PAM: variants seen among roughly 807,000 people sequenced by gnomAD.
PAM encodes peptidylglycine alpha-amidating monooxygenase.
Under a neutral mutation model 122.1 loss-of-function variants are expected in PAM, and 72 were observed. The ratio of observed to expected loss-of-function variants is 0.59; its 90% CI spans 0.49 to 0.72. The LOEUF is 0.72. Ranked by LOEUF, PAM falls within the 30% of genes least tolerant of loss-of-function variation. PAM has a pLI of 0.00. For synonymous variants in PAM, 389 were observed against 404.4 expected (o/e 0.96, Z 0.46); for missense variants, 1,106 against 1,183.7 (o/e 0.93, Z 0.96).
rs142094802 is a variant in PAM, at chr5:102,800,801, G to T, written c.-374+45453G>T. ...ATCACTTTATACTCTATCACCCTGG[G>T]CTTATCTTCTCTTCCCTTTTCCTTT... On this transcript the variant is annotated intron_variant, in intron 1 of 25. Coordinates refer to ENST00000438793, the MANE Select transcript of PAM (RefSeq NM_001177306.2). Among the ~76,000 whole-genome samples, 1,210 of 152,162 alleles carry T rather than the reference G, an allele frequency of 8.0e-3. 16 individuals carry two copies. The highest frequency in any genetic ancestry group is 0.021 in the Admixed American group (323 of 15,274).
At chr5:102,962,095 C>T (rs1762674873) in intron 14 of PAM, among the ~76,000 whole-genome samples, 1 of 151,814 alleles carries the variant, frequency 6.6e-6, no homozygotes. Context: ...AAATGTATTA[C>T]ATTAGGTCTA....
intron 12 of PAM, among the ~76,000 whole-genome samples, chr5:102,958,970 T>C (rs1761672158): frequency 6.6e-6 from 1 of 152,166 alleles, no homozygotes; most frequent in African/African-American, 2.4e-5. Context: ...ACAACTTTGC[T>C]ATGTAAAAGT....
intron 1 of PAM, among the ~76,000 whole-genome samples, chr5:102,843,535 T>C (rs1049017995): frequency 6.6e-6 from 1 of 152,150 alleles, no homozygotes; most frequent in Non-Finnish European, 1.5e-5. Context: ...AAAAACATCT[T>C]CTCTGTAAGA....
At chr5:102,905,532 G>A (rs1207809041) in intron 4 of PAM, among the ~76,000 whole-genome samples, 1 of 151,686 alleles carries the variant, frequency 6.6e-6, no homozygotes. Context: ...ACATGATCAA[G>A]TGATGTCCAG....
rs760047233 is a variant in PAM, at chr5:102,990,405, A to G, written c.1613+4A>G. ...GTGACCATGTCTGGGATGGAAAGTAAGTAATATTTTTTCTTCAATAAGCAA... is the reference window on the plus strand; with the variant it reads ...GTGACCATGTCTGGGATGGAAAGTAGGTAATATTTTTTCTTCAATAAGCAA... On this transcript the variant is annotated splice_donor_region_variant and intron_variant, in intron 16 of 25. Transcript: ENST00000438793. 1.9e-6 allele frequency: 3 copies of G among 1,570,364 alleles called. No individual in the cohort carries two copies. Among genetic ancestry groups the G allele is most frequent in the Non-Finnish European group, 2.6e-6 (3 of 1,154,690 alleles).
chr5:102,786,907 C>A (rs1354318965), intron 1 of PAM, among the ~76,000 whole-genome samples: 1 of 152,014 alleles, frequency 6.6e-6, no homozygotes, highest in South Asian at 2.1e-4. Flanking sequence ...CAAGCAAAGG[C>A]TGATTATAAT....
chr5:102,816,336 A>G (rs942355643), intron 1 of PAM, among the ~76,000 whole-genome samples: 4 of 152,294 alleles, frequency 2.6e-5, no homozygotes, highest in South Asian at 4.1e-4. Context: ...TCTCTGCCTC[A>G]AGGAACTTAC....
At chr5:102,862,731 T>C (rs937806441) in intron 1 of PAM, among the ~76,000 whole-genome samples, 1 of 152,230 alleles carries the variant, frequency 6.6e-6, no homozygotes, top group South Asian at 2.1e-4. Flanking sequence ...AATTTAGTTT[T>C]TGCTGGCAAC....
chr5:102,969,813 G>C (rs763532713), intron 14 of PAM, among the ~76,000 whole-genome samples: 5 of 152,150 alleles, frequency 3.3e-5, no homozygotes, highest in African/African-American at 1.2e-4. Flanking sequence ...AGAGCTCCAG[G>C]CTTGGTAGTC....
At chr5:102,795,663 C>G (rs1014922055) in intron 1 of PAM, among the ~76,000 whole-genome samples, 1 of 152,122 alleles carries the variant, frequency 6.6e-6, no homozygotes, top group Non-Finnish European at 1.5e-5. Flanking sequence ...GAGGAACATA[C>G]GTATTTGTGC....
chr5:102,908,707 T>TAA (rs200295839), intron 4 of PAM, among the ~76,000 whole-genome samples: 1,875 of 151,086 alleles, frequency 0.012, 45 homozygotes, highest in African/African-American at 0.043. Flanking sequence ...CCCTAAAACT[T>TAA]AAAGTATAAT....
chr5:102,871,571 A>T (rs1233755429), intron 3 of PAM, among the ~76,000 whole-genome samples: 1 of 151,510 alleles, frequency 6.6e-6, no homozygotes, highest in Non-Finnish European at 1.5e-5. Context: ...ACCTATCATA[A>T]GAGAATAAAA....
chr5:102,936,790 G>T (rs1395135108), intron 7 of PAM, among the ~76,000 whole-genome samples: 1 of 151,946 alleles, frequency 6.6e-6, no homozygotes. Flanking sequence ...GAATATCACT[G>T]GGCCCAGGAT....
chr5:102,898,594 T>C (rs1464301604), intron 3 of PAM, among the ~76,000 whole-genome samples: 1 of 151,678 alleles, frequency 6.6e-6, no homozygotes, highest in Non-Finnish European at 1.5e-5. Flanking sequence ...TAAATGGCTG[T>C]GGCTCTAATC....
chr5:102,779,880 CATATACATAT>C (rs1758157060), intron 1 of PAM, among the ~76,000 whole-genome samples: 2 of 69,304 alleles, frequency 2.9e-5, no homozygotes, highest in African/African-American at 7.2e-5. Flanking sequence ...AATAAACTCC[CATATACATAT>C]ATATATATAT....
intron 4 of PAM, among the ~76,000 whole-genome samples, chr5:102,909,132 C>T (rs578057181): frequency 2.0e-5 from 3 of 151,262 alleles, no homozygotes; most frequent in Non-Finnish European, 4.4e-5. Context: ...TTTCTTGAAC[C>T]TCACACCTTC....
downstream of PAM, chr5:103,030,866 T>C (rs1221898764): frequency 2.0e-5 from 3 of 152,262 alleles, no homozygotes; most frequent in Non-Finnish European, 4.4e-5. Flanking sequence ...GTTTCTATTG[T>C]GCAGTCACAG....
At position 103,025,353 on chromosome 5, in the gene PAM, G is replaced by A. The variant is rs376060875; in HGVS notation, c.2689+19G>A. 2.5e-5 allele frequency: 40 copies of A among 1,598,398 alleles called. No individual in the cohort carries two copies. Among genetic ancestry groups the A allele is most frequent in the East Asian group, 1.1e-4 (5 of 44,820 alleles). ...TTTGGAGGCAAGTAAAATGAGCCCCGTGAACTTGGAACCTGCCTTTGAAAG... is the reference window on the plus strand; with the variant it reads ...TTTGGAGGCAAGTAAAATGAGCCCCATGAACTTGGAACCTGCCTTTGAAAG... On this transcript the variant is annotated intron_variant, in intron 24 of 25. Transcript: ENST00000438793.
At chr5:102,886,204 A>G (rs1380470005) in intron 3 of PAM, among the ~76,000 whole-genome samples, 1 of 152,080 alleles carries the variant, frequency 6.6e-6, no homozygotes, top group South Asian at 2.1e-4. Flanking sequence ...GTTTACATTT[A>G]TTATGAAGGA....
Sources: gnomAD v4.1 joint callset for allele counts (sites outside exome capture counted in the v4.1 genomes callset) on GRCh38, gnomAD v4.1.1 for gene constraint, MANE v1.5 for transcripts, NCBI Gene and HGNC (gene_info 2026-07-23, HGNC 2026-07-21) for gene names.